The following GRID1 variants were observed in gnomAD, a reference collection of about 807,000 sequenced individuals.
GRID1 encodes glutamate receptor ionotropic, delta-1.
A neutral mutation model predicts 98.0 loss-of-function variants in GRID1; 28 were observed. That is an observed-to-expected ratio of 0.29 (90% CI 0.21 to 0.39). The LOEUF (loss-of-function observed/expected upper bound fraction) is 0.39, where lower values mean the gene tolerates loss of function less well. Among genes scored for constraint, GRID1 ranks in the 10% least tolerant of loss-of-function variants. The pLI is 1.00. For missense variants in GRID1, 1,111 were observed against 1,340.5 expected (o/e 0.83, Z 2.67); for synonymous variants, 553 against 538.5 (o/e 1.03, Z -0.37).
chr10:86,245,522 GCTTTACTCC>G (rs1846710770), intron 2 of GRID1, among the ~76,000 whole-genome samples: 1 of 148,414 alleles, frequency 6.7e-6, no homozygotes, highest in Non-Finnish European at 1.5e-5. Context: ...TCTACCATTT[GCTTTACTCC>G]ATTCCTCCTC....
intron 4 of GRID1, among the ~76,000 whole-genome samples, chr10:86,069,465 G>A (rs1013256274): frequency 9.2e-5 from 14 of 152,128 alleles, no homozygotes; most frequent in East Asian, 1.9e-4. Flanking sequence ...TGGCTAACAC[G>A]GTGAAACCCC....
chr10:85,667,689 C>A (rs551121833), intron 12 of GRID1, among the ~76,000 whole-genome samples: 4 of 152,284 alleles, frequency 2.6e-5, no homozygotes, highest in African/African-American at 9.6e-5. Flanking sequence ...TGGCTTCTTC[C>A]CCAGTGTGCC....
chr10:86,250,976 G>A (rs1052067775), intron 2 of GRID1, among the ~76,000 whole-genome samples: 2 of 152,180 alleles, frequency 1.3e-5, no homozygotes, highest in Non-Finnish European at 2.9e-5. Context: ...AGACATAGGA[G>A]ACTCCATTTT....
intron 15 of GRID1, 71 bp downstream of exon 15, chr10:85,613,336 C>G (rs2132513908): frequency 3.4e-6 from 5 of 1,474,924 alleles, no homozygotes; most frequent in Non-Finnish European, 4.6e-6. Flanking sequence ...AACAACCTGC[C>G]CTCCCAATGG....
At chr10:85,667,931 G>A (rs1841041601) in intron 12 of GRID1, among the ~76,000 whole-genome samples, 1 of 152,168 alleles carries the variant, frequency 6.6e-6, no homozygotes, top group Non-Finnish European at 1.5e-5. Flanking sequence ...GCTCTCCCTG[G>A]AGGGCACCCA....
chr10:85,647,336 C>T lies in GRID1; in HGVS notation c.2059G>A (p.Val687Ile). 1 of 1,614,184 alleles carries T rather than the reference C, an allele frequency of 6.2e-7. No homozygotes were observed. The highest frequency in any genetic ancestry group is 8.5e-7 in the Non-Finnish European group (1 of 1,179,986). The change falls in exon 13 of 16, where the codon GTA becomes ATA. Residue 687 changes from valine to isoleucine, a missense_variant. Transcript: ENST00000327946. ...MSYGTVRDSA[V>I]YEYFRAKGTN... The stretch of plus-strand genomic sequence containing the variant: ...CCCTTGGCTCGGAAGTACTCATATA[C>T]AGCAGAATCCCGGACAGTGCCATAA...
In GRID1 at chr10:86,192,270, G is replaced by A. The variant is rs1415324152; in HGVS notation, c.520+14094C>T. Among the ~76,000 whole-genome samples the A allele has an allele frequency of 6.6e-6, 1 of 152,122 alleles. No homozygotes were observed. The highest frequency in any genetic ancestry group is 1.5e-5 in the Non-Finnish European group (1 of 68,026). ...CCTCAGAAAGCCAAGTGGACCAAAGGTAGAAGCAACCCTTAAGTGTCCATC... is the reference window on the plus strand; with the variant it reads ...CCTCAGAAAGCCAAGTGGACCAAAGATAGAAGCAACCCTTAAGTGTCCATC... On this transcript the variant is annotated intron_variant, in intron 3 of 15. Transcript: ENST00000327946. The surrounding 1 kb of genome is among the most constrained non-coding windows in gnomAD (Gnocchi z 4.8).
chr10:85,683,453 G>T (rs189179933), intron 12 of GRID1, among the ~76,000 whole-genome samples: 1 of 152,288 alleles, frequency 6.6e-6, no homozygotes, highest in East Asian at 1.9e-4. Context: ...CTTAGATTTG[G>T]CATGGGACAT....
At chr10:86,166,415 C>T (rs761914781) in intron 3 of GRID1, among the ~76,000 whole-genome samples, 2 of 152,242 alleles carry the variant, frequency 1.3e-5, no homozygotes, top group Admixed American at 6.5e-5. Context: ...CAAAAAACGA[C>T]ATTTATGCAG....
chr10:86,090,246 C>G (rs1334736291), intron 4 of GRID1, among the ~76,000 whole-genome samples: 1 of 149,106 alleles, frequency 6.7e-6, no homozygotes, highest in Non-Finnish European at 1.5e-5. Flanking sequence ...GGAGAAATCC[C>G]ATCTCTACTA....
chr10:86,227,878 C>A (rs921981080), intron 2 of GRID1, among the ~76,000 whole-genome samples: 1 of 152,154 alleles, frequency 6.6e-6, no homozygotes, highest in Non-Finnish European at 1.5e-5. Flanking sequence ...CTGCATGGTG[C>A]CTGACACATG....
At chr10:86,032,829 TAAAA>T (rs58350170) in intron 4 of GRID1, among the ~76,000 whole-genome samples, 4 of 109,884 alleles carry the variant, frequency 3.6e-5, no homozygotes, top group African/African-American at 1.5e-4. Context: ...AATAAATACT[TAAAA>T]AAAAAAAAAA....
intron 13 of GRID1, among the ~76,000 whole-genome samples, chr10:85,622,241 G>C (rs1373447610): frequency 6.6e-6 from 1 of 151,344 alleles, no homozygotes; most frequent in Non-Finnish European, 1.5e-5. Context: ...GAGAAAGAGG[G>C]AACATCCAGA....
chr10:85,690,307 G>A (rs1018187766), intron 12 of GRID1, among the ~76,000 whole-genome samples: 1 of 152,110 alleles, frequency 6.6e-6, no homozygotes, highest in African/African-American at 2.4e-5. Context: ...TGATTAGTAT[G>A]TCTTTGCTCT....
intron 4 of GRID1, among the ~76,000 whole-genome samples, chr10:86,115,143 G>GA (rs1420467490): frequency 1.3e-5 from 2 of 152,316 alleles, no homozygotes; most frequent in East Asian, 3.9e-4. Context: ...GAGACAAGGG[G>GA]AAGAGACAGA....
intron 4 of GRID1, among the ~76,000 whole-genome samples, chr10:85,922,594 A>C (rs569157651): frequency 1.3e-5 from 2 of 152,294 alleles, no homozygotes; most frequent in East Asian, 3.9e-4. Flanking sequence ...TCCCAAGGAC[A>C]GATATTGAGC....
At chr10:86,278,888 T>A (rs1847313675) in intron 2 of GRID1, among the ~76,000 whole-genome samples, 1 of 152,154 alleles carries the variant, frequency 6.6e-6, no homozygotes, top group South Asian at 2.1e-4. Flanking sequence ...TCCAGAAAAC[T>A]GTAAAGGAAT....
intron 8 of GRID1, among the ~76,000 whole-genome samples, chr10:85,741,224 A>G (rs989067782): frequency 6.6e-6 from 1 of 152,140 alleles, no homozygotes. Flanking sequence ...TCATATTTGA[A>G]GCTCTGCAAA....
intron 4 of GRID1, among the ~76,000 whole-genome samples, chr10:86,095,303 T>A (rs534271680): frequency 6.6e-6 from 1 of 152,300 alleles, no homozygotes; most frequent in East Asian, 1.9e-4. Context: ...AGGCAAGGAT[T>A]TCGTGACCAA....
Sources: gnomAD v4.1 joint callset for allele counts (sites outside exome capture counted in the v4.1 genomes callset) on GRCh38, gnomAD v4.1.1 for gene constraint, Gnocchi (gnomAD v3.1) non-coding constraint, MANE v1.5 for transcripts, NCBI Gene and HGNC (gene_info 2026-07-23, HGNC 2026-07-21) for gene names.